WDR27: variants seen among roughly 807,000 people sequenced by gnomAD.
WDR27 encodes WD repeat-containing protein 27.
Under a neutral mutation model 114.4 loss-of-function variants are expected in WDR27, and 100 were observed. That is an observed-to-expected ratio of 0.87 (90% CI 0.74 to 1.03). The LOEUF (loss-of-function observed/expected upper bound fraction) is 1.03. WDR27 is among the 50% of genes least tolerant of loss of function. The probability of loss-of-function intolerance (pLI) is 0.00; values close to 1 mark genes in which losing one functional copy is unlikely to be tolerated. For synonymous variants in WDR27, 449 were observed against 423.1 expected (o/e 1.06, Z -0.75); for missense variants, 1,129 against 1,092.9 (o/e 1.03, Z -0.47).
At position 169,702,025 on chromosome 6, in the gene WDR27, T is replaced by G; in HGVS notation, c.-482A>C. On this transcript the variant is annotated 5_prime_UTR_variant, in exon 1 of 26. Coordinates refer to ENST00000448612, the MANE Select transcript of WDR27 (RefSeq NM_182552.5). Reference sequence around the variant, plus strand: ...GCCAGCCGACCCACGCGAGCCGCTATGGTTACTAGCCCGCCGCCCCTCGCG... The same window carrying G: ...GCCAGCCGACCCACGCGAGCCGCTAGGGTTACTAGCCCGCCGCCCCTCGCG... 1 of 451,812 alleles carries G rather than the reference T, an allele frequency of 2.2e-6. No individual in the cohort carries two copies. Among genetic ancestry groups the G allele is most frequent in the Non-Finnish European group, 4.4e-6 (1 of 226,858 alleles). 28.0% of individuals were successfully genotyped at this position (451,812 alleles called of 1,614,324 possible). A position where few individuals can be genotyped will look rare whatever the true frequency, so the allele number is the denominator to read the frequency against.
the WDR27 span, among the ~76,000 whole-genome samples, chr6:169,441,419 G>A: frequency 2.0e-5 from 3 of 152,220 alleles, no homozygotes; most frequent in African/African-American, 7.2e-5. Context: ...CACCTAAGTA[G>A]ATTAGAGTCA....
At chr6:169,488,076 A>T (rs1272663963) in intron 25 of WDR27, among the ~76,000 whole-genome samples, 3 of 152,226 alleles carry the variant, frequency 2.0e-5, no homozygotes, top group Admixed American at 6.5e-5. Context: ...TGCACTTTCC[A>T]TAATTCCTTA....
the WDR27 span, among the ~76,000 whole-genome samples, chr6:169,437,603 C>G: frequency 6.6e-6 from 1 of 152,204 alleles, no homozygotes; most frequent in South Asian, 2.1e-4. Context: ...GCAACCCACT[C>G]CATGTGATTT....
chr6:169,446,780 T>G, the WDR27 span, among the ~76,000 whole-genome samples: 2 of 152,122 alleles, frequency 1.3e-5, no homozygotes, highest in African/African-American at 4.8e-5. Flanking sequence ...ATTTAAGGAG[T>G]CACTGTGATA....
chr6:169,670,602 A>G lies in WDR27; in HGVS notation c.423T>C (p.Cys141=). 6.2e-7 allele frequency: 1 copy of G among 1,614,030 alleles called. No homozygotes were observed. Among genetic ancestry groups the G allele is most frequent in the Non-Finnish European group, 8.5e-7 (1 of 1,179,892 alleles). The part of the protein sequence containing the change: ...LSLDDHVVAV[C]AGNKIFMLDI... ...CCAGCATGAATATTTTGTTTCCAGC[A>G]CACACGGCAACAACATGATCATCCA... Residue 141 remains cysteine (C), a synonymous_variant, in exon 4 of 26, where the codon TGT becomes TGC. Transcript: ENST00000448612.
At chr6:169,686,122 A>G (rs1782885724) in intron 2 of WDR27, among the ~76,000 whole-genome samples, 1 of 152,218 alleles carries the variant, frequency 6.6e-6, no homozygotes, top group African/African-American at 2.4e-5. Context: ...AATGAAGGAC[A>G]AATTAAATCT....
At chr6:169,426,523 GAT>G in the WDR27 span, 1 of 152,058 alleles carries the variant, frequency 6.6e-6, no homozygotes, top group Non-Finnish European at 1.5e-5. Context: ...CTATAAAATT[GAT>G]ATCTGAGCTA....
At chr6:169,454,856 C>T (rs1396977036), downstream of WDR27, among the ~76,000 whole-genome samples, 1 of 152,236 alleles carries the variant, frequency 6.6e-6, no homozygotes, top group African/African-American at 2.4e-5. Context: ...GCTGGGCTGC[C>T]AGGGCTGCAG....
At chr6:169,623,787 A>G (rs1562727607) in intron 21 of WDR27, among the ~76,000 whole-genome samples, 2 of 152,200 alleles carry the variant, frequency 1.3e-5, no homozygotes, top group Admixed American at 6.5e-5. Context: ...TGAGGCCCCA[A>G]TCATGGGATT....
intron 15 of WDR27, 100 bp downstream of exon 15, chr6:169,649,098 A>G: frequency 1.1e-6 from 1 of 929,370 alleles, no homozygotes; most frequent in Non-Finnish European, 1.7e-6. Context: ...ACACATGTAC[A>G]CATATAAGGT....
At chr6:169,586,308 T>C (rs1292284411) in intron 23 of WDR27, among the ~76,000 whole-genome samples, 1 of 152,244 alleles carries the variant, frequency 6.6e-6, no homozygotes, top group Non-Finnish European at 1.5e-5. Flanking sequence ...TCAGGGTTGA[T>C]GGCCCGCATG....
At chr6:169,683,366 A>G (rs1782031986) in intron 2 of WDR27, among the ~76,000 whole-genome samples, 1 of 152,182 alleles carries the variant, frequency 6.6e-6, no homozygotes, top group Non-Finnish European at 1.5e-5. Context: ...CAGACTGTTC[A>G]GCAAAAACCT....
At chr6:169,665,802 T>C (rs1232866133) in intron 6 of WDR27, among the ~76,000 whole-genome samples, 2 of 152,096 alleles carry the variant, frequency 1.3e-5, no homozygotes, top group African/African-American at 4.8e-5. Context: ...GCCCGGTGAG[T>C]CCACCACAGA....
intron 25 of WDR27, among the ~76,000 whole-genome samples, chr6:169,556,174 C>T (rs748985292): frequency 6.6e-6 from 1 of 152,116 alleles, no homozygotes; most frequent in African/African-American, 2.4e-5. Context: ...GAGGTAGGAG[C>T]CTTGGGGGCC....
Position 169,636,433 on chromosome 6 carries a change from A to T in WDR27, c.1941T>A (p.Ser647=), listed in dbSNP as rs1328930090. 3.1e-6 allele frequency: 5 copies of T among 1,614,012 alleles called. No individual in the cohort carries two copies. The highest frequency in any genetic ancestry group is 4.2e-6 in the Non-Finnish European group (5 of 1,179,876). Residue 647 remains serine (S), a synonymous_variant, in exon 19 of 26, where the codon TCT becomes TCA. Transcript: ENST00000448612. ...TCAGTAGCTGAAATTCAGGGCCAGA[A>T]GATAACAATATAAAGGCATCTATAT... ...FYYIDAFILL[S]SGPEFQLLRY...
chr6:169,521,815 A>T (rs1428926540), intron 25 of WDR27, among the ~76,000 whole-genome samples: 2 of 152,082 alleles, frequency 1.3e-5, no homozygotes, highest in African/African-American at 4.8e-5. Flanking sequence ...ACAAAAAATT[A>T]AAAGCAACAA....
intron 25 of WDR27, among the ~76,000 whole-genome samples, chr6:169,563,835 C>T (rs2982393): frequency 6.6e-6 from 1 of 152,076 alleles, no homozygotes; most frequent in Non-Finnish European, 1.5e-5. Context: ...GAAGAGTCTG[C>T]AATTCTCGAG....
At position 169,462,765 on chromosome 6, in the gene WDR27, C is replaced by T. The variant is rs140397011; in HGVS notation, c.2646-5131G>A. Among the ~76,000 whole-genome samples the T allele has an allele frequency of 9.5e-3, 1,439 of 152,132 alleles. 21 individuals are homozygous for T. Among genetic ancestry groups the T allele is most frequent in the African/African-American group, 0.032 (1,343 of 41,478 alleles). On this transcript the variant is annotated intron_variant, in intron 25 of 25. Coordinates refer to ENST00000448612, the MANE Select transcript of WDR27 (RefSeq NM_182552.5). The stretch of plus-strand genomic sequence containing the variant: ...GCAGCATATTAAAATGATTATGCAT[C>T]AAGACAAATTGGAATTTATTCCTGG...
At chr6:169,530,619 A>G (rs2997900) in intron 25 of WDR27, among the ~76,000 whole-genome samples, 136,414 of 152,184 alleles carry the variant, frequency 0.9, 62,168 homozygotes, top group African/African-American at 0.94. Context: ...CCCACGTTAC[A>G]TAGGAGACTG....
Sources: gnomAD v4.1 joint callset for allele counts (sites outside exome capture counted in the v4.1 genomes callset) on GRCh38, gnomAD v4.1.1 for gene constraint, MANE v1.5 for transcripts, NCBI Gene and HGNC (gene_info 2026-07-23, HGNC 2026-07-21) for gene names.